Variants in AGBL1 observed in about 807,000 individuals in gnomAD.
AGBL1 encodes cytosolic carboxypeptidase 4.
In AGBL1, 130 loss-of-function variants were observed where a neutral mutation model predicts 118.9. That is an observed-to-expected ratio of 1.09 (90% CI 0.95 to 1.26). The LOEUF (loss-of-function observed/expected upper bound fraction) is 1.26. Ranked by LOEUF, AGBL1 falls within the 50% of genes most tolerant of loss-of-function variation. The probability of loss-of-function intolerance (pLI) is 0.00; values close to 1 mark genes in which losing one functional copy is unlikely to be tolerated. For missense variants in AGBL1, 1,584 were observed against 1,298.1 expected, an observed-to-expected ratio of 1.22 and a Z score of -3.38; for synonymous variants, 555 against 478.9, an observed-to-expected ratio of 1.16 and a Z score of -2.08.
chr15:86,911,766 G>A lies in AGBL1; in HGVS notation c.*4472G>A, dbSNP rs992692208. Reference sequence around the variant, plus strand: ...TCTCATTTGGGAATATCAAAACTCAGTTCAAATATCACCTTTCTTCTATAA... The same window carrying A: ...TCTCATTTGGGAATATCAAAACTCAATTCAAATATCACCTTTCTTCTATAA... On this transcript the variant is annotated 3_prime_UTR_variant, in exon 23 of 23. Coordinates refer to ENST00000614907, the MANE Select transcript of AGBL1 (RefSeq NM_001386094.1). 1.3e-4 allele frequency: 20 copies of A among 152,148 alleles called. No homozygotes were observed. The highest frequency in any genetic ancestry group is 4.8e-4 in the African/African-American group (20 of 41,416). The allele number at this position is 152,148 out of a possible 1,614,324, so 9.4% of individuals were successfully genotyped here. A position where few individuals can be genotyped will look rare whatever the true frequency, so the allele number is the denominator to read the frequency against.
intron 23 of AGBL1, among the ~76,000 whole-genome samples, chr15:86,975,061 A>G (rs530070987): frequency 2.6e-5 from 4 of 152,158 alleles, no homozygotes; most frequent in African/African-American, 9.6e-5. Context: ...TGGAGACAGG[A>G]CCAAGTAATC....
intron 18 of AGBL1, among the ~76,000 whole-genome samples, chr15:86,494,945 GT>G (rs67567444): frequency 3.2e-4 from 48 of 148,720 alleles, no homozygotes; most frequent in Admixed American, 6.7e-4. Context: ...TTGCTTCAGG[GT>G]TTTTTTTTTA....
chr15:86,760,787 G>A (rs2078012263), intron 22 of AGBL1, among the ~76,000 whole-genome samples: 1 of 152,036 alleles, frequency 6.6e-6, no homozygotes, highest in Non-Finnish European at 1.5e-5. Flanking sequence ...GGTTCTTGGA[G>A]GAGTACCAAC....
intron 22 of AGBL1, among the ~76,000 whole-genome samples, chr15:86,831,247 A>G (rs1048974187): frequency 1.3e-5 from 2 of 152,190 alleles, no homozygotes; most frequent in Non-Finnish European, 2.9e-5. Flanking sequence ...GAGCCAAACC[A>G]TATCATTAAA....
chr15:86,927,953 G>A (rs1206906375), intron 23 of AGBL1, among the ~76,000 whole-genome samples: 1 of 142,022 alleles, frequency 7.0e-6, no homozygotes, highest in African/African-American at 2.6e-5. Flanking sequence ...TATATAAAAT[G>A]TGTGTGTATG....
chr15:86,256,266 T>A (rs1395545184), intron 7 of AGBL1, among the ~76,000 whole-genome samples: 2 of 152,164 alleles, frequency 1.3e-5, no homozygotes, highest in Non-Finnish European at 1.5e-5. Context: ...TTTCTCTGAT[T>A]TGGGAAGGTA....
intron 23 of AGBL1, among the ~76,000 whole-genome samples, chr15:86,977,391 GT>G (rs201674525): frequency 0.043 from 6,219 of 144,046 alleles, 153 homozygotes; most frequent in Middle Eastern, 0.076. Flanking sequence ...CTTTATTAAA[GT>G]TTTTTTTTTT....
chr15:86,169,196 A>G (rs1453304923), intron 5 of AGBL1, among the ~76,000 whole-genome samples: 5 of 152,218 alleles, frequency 3.3e-5, no homozygotes, highest in African/African-American at 1.2e-4. Flanking sequence ...GGTGCATAGC[A>G]TTTGTAGGAC....
In AGBL1 at chr15:86,877,984, C is replaced by T. The variant is rs559880603; in HGVS notation, c.3159-29103C>T. On this transcript the variant is annotated intron_variant, in intron 22 of 22. Transcript: ENST00000614907. ...GATAACCCAGCCTCCACATCCACCT[C>T]ATGTTGATGTTGAGGAAAAACAAAG... Among the ~76,000 whole-genome samples the T allele has an allele frequency of 6.3e-4, 96 of 152,282 alleles. 1 individual carries two copies. Among genetic ancestry groups the T allele is most frequent in the African/African-American group, 2.2e-3 (92 of 41,564 alleles).
chr15:86,717,600 C>T (rs573761980), intron 22 of AGBL1, among the ~76,000 whole-genome samples: 1 of 152,256 alleles, frequency 6.6e-6, no homozygotes, highest in East Asian at 1.9e-4. Context: ...GCCAGTTGCC[C>T]TAGGGAGCAG....
chr15:86,965,437 G>A (rs562257838), intron 23 of AGBL1, among the ~76,000 whole-genome samples: 1 of 151,932 alleles, frequency 6.6e-6, no homozygotes, highest in Admixed American at 6.6e-5. Flanking sequence ...GTCTTCTTTT[G>A]AGAAGTTATC....
chr15:86,429,512 C>G (rs1031424257), intron 18 of AGBL1, among the ~76,000 whole-genome samples: 3 of 152,206 alleles, frequency 2.0e-5, no homozygotes, highest in Non-Finnish European at 4.4e-5. Flanking sequence ...ACCCAGCAGA[C>G]TCACAATGTA....
At chr15:86,375,256 T>C (rs2081026567) in intron 17 of AGBL1, among the ~76,000 whole-genome samples, 1 of 152,160 alleles carries the variant, frequency 6.6e-6, no homozygotes. Context: ...TGGCAAGGCC[T>C]CAGGACACTT....
intron 5 of AGBL1, among the ~76,000 whole-genome samples, chr15:86,215,760 T>C (rs2078177772): frequency 6.6e-6 from 1 of 152,242 alleles, no homozygotes; most frequent in Non-Finnish European, 1.5e-5. Flanking sequence ...CCATCAGTTC[T>C]AAATCTAAAA....
intron 21 of AGBL1, among the ~76,000 whole-genome samples, chr15:86,562,849 A>G (rs1378473395): frequency 2.2e-5 from 3 of 136,564 alleles, no homozygotes; most frequent in Non-Finnish European, 4.8e-5. Context: ...CAGGGAATCA[A>G]CTTCTTCCTG....
chr15:86,282,470 A>G (rs553302453), intron 16 of AGBL1, among the ~76,000 whole-genome samples: 1 of 152,326 alleles, frequency 6.6e-6, no homozygotes, highest in South Asian at 2.1e-4. Context: ...AGAAAGAGGG[A>G]TAACTTATTT....
intron 22 of AGBL1, among the ~76,000 whole-genome samples, chr15:86,863,031 A>G (rs1292595559): frequency 6.6e-6 from 1 of 152,198 alleles, no homozygotes. Context: ...TTAGCAGTCC[A>G]GGGAAGCACG....
chr15:86,312,251 C>T (rs1383697512), intron 17 of AGBL1: 1 of 152,178 alleles, frequency 6.6e-6, no homozygotes, highest in Admixed American at 6.5e-5. Flanking sequence ...TGGCAATTTC[C>T]AATTTGTTGG....
chr15:86,725,449 A>G (rs116024881), intron 22 of AGBL1, among the ~76,000 whole-genome samples: 3,078 of 152,310 alleles, frequency 0.02, 104 homozygotes, highest in African/African-American at 0.066. Context: ...TTAGCAGAGC[A>G]TGGGTGAAGT....
Sources: allele counts gnomAD v4.1 joint callset (sites outside exome capture counted in the v4.1 genomes callset), GRCh38; gene constraint gnomAD v4.1.1; transcripts MANE v1.5; gene names NCBI Gene and HGNC (gene_info 2026-07-23, HGNC 2026-07-21).